Variants in RALYL observed in about 807,000 individuals in gnomAD.
The protein encoded by RALYL is RNA-binding Raly-like protein.
In RALYL, 29 loss-of-function variants were observed where a neutral mutation model predicts 35.1. The ratio of observed to expected loss-of-function variants is 0.83; its 90% CI spans 0.61 to 1.13. The LOEUF is 1.13. RALYL is among the 50% of genes most tolerant of loss of function. RALYL has a pLI of 0.00. For synonymous variants in RALYL, 120 were observed against 127.6 expected (o/e 0.94, Z 0.40); for missense variants, 359 against 360.4 (o/e 1.00, Z 0.03).
intron 2 of RALYL, among the ~76,000 whole-genome samples, chr8:84,726,226 T>G (rs964750506): frequency 4.1e-5 from 6 of 147,210 alleles, no homozygotes; most frequent in Admixed American, 2.7e-4. Context: ...TAATTTTATT[T>G]TTATATATAA....
chr8:84,260,819 TC>T (rs1832122090), intron 1 of RALYL, among the ~76,000 whole-genome samples: 1 of 152,170 alleles, frequency 6.6e-6, no homozygotes, highest in Non-Finnish European at 1.5e-5. Flanking sequence ...GAATGGTGTT[TC>T]TCCTCTATAT....
At chr8:84,658,032 T>C (rs932949590) in intron 2 of RALYL, among the ~76,000 whole-genome samples, 1 of 152,040 alleles carries the variant, frequency 6.6e-6, no homozygotes, top group Non-Finnish European at 1.5e-5. Context: ...GGATGGGAGG[T>C]TGGACACCAT....
At chr8:84,282,646 GA>G (rs1836793603) in intron 1 of RALYL, among the ~76,000 whole-genome samples, 1 of 151,844 alleles carries the variant, frequency 6.6e-6, no homozygotes, top group East Asian at 1.9e-4. Flanking sequence ...TTATTCAGAG[GA>G]GAATGCTATG....
intron 4 of RALYL, among the ~76,000 whole-genome samples, chr8:84,849,097 A>G (rs1456112125): frequency 6.6e-6 from 1 of 152,226 alleles, no homozygotes; most frequent in African/African-American, 2.4e-5. Context: ...TGAAATGCAT[A>G]TAAAGTGCTT....
intron 1 of RALYL, among the ~76,000 whole-genome samples, chr8:84,396,640 A>T (rs1184501493): frequency 6.6e-6 from 1 of 152,134 alleles, no homozygotes; most frequent in Non-Finnish European, 1.5e-5. Flanking sequence ...AATTCCTTTG[A>T]TATAAATACT....
intron 3 of RALYL, 119 bp from the exon 4 acceptor site, chr8:84,804,651 G>T (rs933106747): frequency 2.4e-4 from 88 of 374,456 alleles, no homozygotes; most frequent in Admixed American, 4.6e-4. Flanking sequence ...TTTTACTGGT[G>T]CTACATTATG....
chr8:84,645,046 G>A (rs1054850805), intron 2 of RALYL, among the ~76,000 whole-genome samples: 5 of 151,880 alleles, frequency 3.3e-5, no homozygotes, highest in South Asian at 2.1e-4. Flanking sequence ...CACTGCACCT[G>A]GCCAAGTTTT....
chr8:84,704,369 G>A (rs1005000709), intron 2 of RALYL, among the ~76,000 whole-genome samples: 2 of 151,956 alleles, frequency 1.3e-5, no homozygotes, highest in African/African-American at 2.4e-5. Context: ...AGTTTGCAGT[G>A]AGCCTAGATC....
At chr8:84,336,232 T>A (rs1847778433) in intron 1 of RALYL, among the ~76,000 whole-genome samples, 1 of 152,166 alleles carries the variant, frequency 6.6e-6, no homozygotes, top group South Asian at 2.1e-4. Flanking sequence ...CTGAATTGAT[T>A]GTTTTTCACT....
At position 84,320,183 on chromosome 8, in the gene RALYL, G is replaced by A. The variant is rs186579739; in HGVS notation, c.-24+135759G>A. On this transcript the variant is annotated intron_variant, in intron 1 of 8. Coordinates refer to ENST00000521268, the MANE Select transcript of RALYL (RefSeq NM_173848.7). ...GTCAGATTCAGATTTACCATATTTT[G>A]CTTAGGCTTTTCATGAAGCATATAA... Among the ~76,000 whole-genome samples the A allele has an allele frequency of 7.1e-3, 1,076 of 152,028 alleles. 9 individuals are homozygous for A. Among genetic ancestry groups the A allele is most frequent in the South Asian group, 0.028 (134 of 4,828 alleles).
chr8:84,413,793 A>G (rs2132224718), intron 1 of RALYL, among the ~76,000 whole-genome samples: 1 of 152,198 alleles, frequency 6.6e-6, no homozygotes, highest in South Asian at 2.1e-4. Flanking sequence ...TACGATAGGC[A>G]GTTCTTAGTG....
intron 1 of RALYL, among the ~76,000 whole-genome samples, chr8:84,226,427 A>G (rs910344425): frequency 8.5e-5 from 13 of 152,066 alleles, no homozygotes; most frequent in Non-Finnish European, 1.8e-4. Flanking sequence ...GTTTTTTGAA[A>G]TGGAGCTTTA....
intron 1 of RALYL, among the ~76,000 whole-genome samples, chr8:84,297,971 C>G (rs974056067): frequency 7.9e-5 from 12 of 152,060 alleles, no homozygotes; most frequent in Non-Finnish European, 1.8e-4. Context: ...ATATTTTCTC[C>G]CATTCTGCAG....
At chr8:84,381,498 T>C (rs1857989808) in intron 1 of RALYL, among the ~76,000 whole-genome samples, 1 of 151,920 alleles carries the variant, frequency 6.6e-6, no homozygotes, top group African/African-American at 2.4e-5. Flanking sequence ...TCATTTCTCA[T>C]CTTAATTTCT....
chr8:84,351,182 ATAACT>A lies in RALYL; in HGVS notation c.-24+166762_-24+166766del, dbSNP rs558615754. ...GACAAAACCAGTTCTATACTAAATA[ATAACT>A]TAATGTCATCTTGAATCTGATTAAG... On this transcript the variant is annotated intron_variant, in intron 1 of 8. Transcript: ENST00000521268. Among the ~76,000 whole-genome samples, 82 of 150,418 alleles carry A rather than the reference ATAACT, an allele frequency of 5.5e-4. 7 individuals are homozygous for A. Among genetic ancestry groups the A allele is most frequent in the African/African-American group, 1.9e-3 (75 of 40,516 alleles).
At chr8:84,544,276 A>G (rs907370991) in intron 2 of RALYL, among the ~76,000 whole-genome samples, 1 of 151,970 alleles carries the variant, frequency 6.6e-6, no homozygotes, top group African/African-American at 2.4e-5. Flanking sequence ...ATATATATTC[A>G]AAGAAATTTA....
At chr8:84,249,185 A>AAT (rs1441793421) in intron 1 of RALYL, among the ~76,000 whole-genome samples, 1 of 152,132 alleles carries the variant, frequency 6.6e-6, no homozygotes, top group East Asian at 1.9e-4. Context: ...AACGTCACAA[A>AAT]ATTGGGTAAG....
chr8:84,700,683 A>G (rs192599103), intron 2 of RALYL, among the ~76,000 whole-genome samples: 8 of 152,328 alleles, frequency 5.3e-5, no homozygotes, highest in African/African-American at 1.9e-4. Context: ...ATGAAATGAC[A>G]AGATGTTTTT....
At chr8:84,380,515 C>T (rs1475448539) in intron 1 of RALYL, among the ~76,000 whole-genome samples, 1 of 151,622 alleles carries the variant, frequency 6.6e-6, no homozygotes, top group Non-Finnish European at 1.5e-5. Context: ...GAATAATGGC[C>T]AAATGATGTA....
Sources: allele counts gnomAD v4.1 joint callset (sites outside exome capture counted in the v4.1 genomes callset), GRCh38; gene constraint gnomAD v4.1.1; transcripts MANE v1.5; gene names NCBI Gene and HGNC (gene_info 2026-07-23, HGNC 2026-07-21).